The following XKR4 variants were observed in gnomAD, a reference collection of about 807,000 sequenced individuals.
XKR4 encodes the protein XK-related protein 4.
Under a neutral mutation model 53.9 loss-of-function variants are expected in XKR4, and 12 were observed. The observed-to-expected ratio is 0.22, with a 90% CI of 0.14 to 0.36. The LOEUF (loss-of-function observed/expected upper bound fraction) is 0.36, where lower values mean the gene tolerates loss of function less well. Among genes scored for constraint, XKR4 ranks in the 10% least tolerant of loss-of-function variants. XKR4 has a pLI of 1.00. For synonymous variants in XKR4, 354 were observed against 362.4 expected (o/e 0.98, Z 0.26); for missense variants, 799 against 859.5 (o/e 0.93, Z 0.88).
At chr8:55,178,801 A>G (rs1408751419) in intron 1 of XKR4, among the ~76,000 whole-genome samples, 1 of 152,204 alleles carries the variant, frequency 6.6e-6, no homozygotes, top group East Asian at 1.9e-4. Flanking sequence ...TGGTCTGCAT[A>G]GACAAAAATG....
chr8:55,275,335 T>C (rs971837120), intron 1 of XKR4, among the ~76,000 whole-genome samples: 3 of 152,206 alleles, frequency 2.0e-5, no homozygotes, highest in Non-Finnish European at 4.4e-5. Flanking sequence ...ATATAAGGAA[T>C]AATTTAGCTA....
At chr8:55,164,377 G>C (rs1192852227) in intron 1 of XKR4, 3 of 456,150 alleles carry the variant, frequency 6.6e-6, no homozygotes, top group East Asian at 1.4e-4. Flanking sequence ...CAGAGGTTCA[G>C]CCTTTAACAA....
intron 2 of XKR4, among the ~76,000 whole-genome samples, chr8:55,390,255 A>C (rs1377080217): frequency 6.6e-6 from 1 of 152,202 alleles, no homozygotes; most frequent in Non-Finnish European, 1.5e-5. Context: ...TCATCAAAAA[A>C]CTGAGGAAGT....
chr8:55,213,645 C>T (rs1352395866), intron 1 of XKR4, among the ~76,000 whole-genome samples: 1 of 152,124 alleles, frequency 6.6e-6, no homozygotes, highest in Non-Finnish European at 1.5e-5. Flanking sequence ...CTGCTGTCAT[C>T]TTTGTTTCAA....
intron 2 of XKR4, among the ~76,000 whole-genome samples, chr8:55,437,402 T>G (rs1406965039): frequency 2.6e-5 from 4 of 152,100 alleles, no homozygotes; most frequent in Non-Finnish European, 5.9e-5. Flanking sequence ...GATTTTTGAA[T>G]CAGGGTTAAG....
At chr8:55,345,003 A>T (rs1297542676) in intron 1 of XKR4, among the ~76,000 whole-genome samples, 1 of 152,212 alleles carries the variant, frequency 6.6e-6, no homozygotes. Context: ...TAATCCCAGC[A>T]CTTTGGGAGG....
At chr8:55,126,432 C>T (rs1040029966) in intron 1 of XKR4, among the ~76,000 whole-genome samples, 1 of 152,178 alleles carries the variant, frequency 6.6e-6, no homozygotes, top group East Asian at 1.9e-4. Flanking sequence ...CATGGGGCAT[C>T]GAGGCTTGGT....
chr8:55,391,318 T>C (rs548453218), intron 2 of XKR4, among the ~76,000 whole-genome samples: 2 of 152,338 alleles, frequency 1.3e-5, no homozygotes, highest in South Asian at 4.1e-4. Context: ...AGTTTATTCA[T>C]TGTAGCTTTA....
chr8:55,196,160 G>A (rs1008356130), intron 1 of XKR4, among the ~76,000 whole-genome samples: 3 of 151,126 alleles, frequency 2.0e-5, no homozygotes, highest in Non-Finnish European at 4.4e-5. Context: ...AGGAACATGT[G>A]GGTGGTTGTG....
intron 1 of XKR4, among the ~76,000 whole-genome samples, chr8:55,156,118 T>C (rs1816903294): frequency 6.6e-6 from 1 of 151,650 alleles, no homozygotes; most frequent in East Asian, 1.9e-4. Context: ...GAGGAGATAG[T>C]GTTGATGGGA....
At chr8:55,303,832 T>A (rs1243996825) in intron 1 of XKR4, among the ~76,000 whole-genome samples, 1 of 152,244 alleles carries the variant, frequency 6.6e-6, no homozygotes, top group South Asian at 2.1e-4. Context: ...TTCTGTGGGA[T>A]CGGTGGTGAT....
At chr8:55,438,081 T>A (rs1805203987) in intron 2 of XKR4, among the ~76,000 whole-genome samples, 1 of 152,024 alleles carries the variant, frequency 6.6e-6, no homozygotes. Flanking sequence ...CCAGAGTTCC[T>A]GTAAGAGCAA....
intron 1 of XKR4, among the ~76,000 whole-genome samples, chr8:55,308,571 G>A (rs1051605331): frequency 1.3e-5 from 2 of 152,132 alleles, no homozygotes; most frequent in Admixed American, 6.5e-5. Flanking sequence ...GGATATTATG[G>A]GGATTACAAT....
At chr8:55,117,275 A>G (rs1816323327) in intron 1 of XKR4, among the ~76,000 whole-genome samples, 1 of 152,194 alleles carries the variant, frequency 6.6e-6, no homozygotes, top group Non-Finnish European at 1.5e-5. Context: ...ATAAGAATTT[A>G]CTAGAAGTTA....
rs1563376168 is a variant in XKR4, at chr8:55,536,417, T to C, written c.*12190T>C. ...CACTAAACCAAAGTAGACAAGGAGT[T>C]ATTAAAAAATAAAGACTGTCCACAT... On this transcript the variant is annotated 3_prime_UTR_variant, in exon 3 of 3. Transcript: ENST00000327381. 1 of 152,224 alleles carries C rather than the reference T, an allele frequency of 6.6e-6. No individual in the cohort carries two copies. The highest frequency in any genetic ancestry group is 1.9e-4 in the East Asian group (1 of 5,196). 9.4% of individuals were successfully genotyped at this position (152,224 alleles called of 1,614,324 possible). A position where few individuals can be genotyped will look rare whatever the true frequency, so the allele number is the denominator to read the frequency against.
At chr8:55,425,452 G>C (rs1804998148) in intron 2 of XKR4, among the ~76,000 whole-genome samples, 2 of 152,060 alleles carry the variant, frequency 1.3e-5, no homozygotes, top group African/African-American at 4.8e-5. Context: ...CTACCCTCAG[G>C]CTGATAATTA....
intron 1 of XKR4, among the ~76,000 whole-genome samples, chr8:55,254,562 G>A (rs1027487132): frequency 3.3e-5 from 5 of 152,164 alleles, no homozygotes; most frequent in South Asian, 2.1e-4. Context: ...GAATGTTCAC[G>A]GTTTGATAAA....
At chr8:55,150,063 C>T (rs530047022) in intron 1 of XKR4, among the ~76,000 whole-genome samples, 1 of 152,282 alleles carries the variant, frequency 6.6e-6, no homozygotes, top group East Asian at 1.9e-4. Flanking sequence ...CAGCCTAAAG[C>T]TTCTATTTTT....
intron 1 of XKR4, among the ~76,000 whole-genome samples, chr8:55,337,885 T>C (rs1803485347): frequency 6.6e-6 from 1 of 152,230 alleles, no homozygotes; most frequent in African/African-American, 2.4e-5. Flanking sequence ...TTCCTCACTA[T>C]GTTATGAGAA....
Sources: allele counts gnomAD v4.1 joint callset (sites outside exome capture counted in the v4.1 genomes callset), GRCh38; gene constraint gnomAD v4.1.1; transcripts MANE v1.5; gene names NCBI Gene and HGNC (gene_info 2026-07-23, HGNC 2026-07-21).